The following TMEM114 variants were observed in gnomAD, a reference collection of about 807,000 sequenced individuals.
TMEM114 encodes transmembrane protein 114.
Under a neutral mutation model 6.2 loss-of-function variants are expected in TMEM114, and 6 were observed. The observed-to-expected ratio is 0.97, with a 90% CI of 0.53 to 1.91. TMEM114 has a LOEUF of 1.91. TMEM114 is among the 40% of genes most tolerant of loss of function. TMEM114 has a pLI of 0.01. For synonymous variants in TMEM114, 104 were observed against 73.0 expected, an observed-to-expected ratio of 1.42 and a Z score of -2.16; for missense variants, 218 against 158.3, an observed-to-expected ratio of 1.38 and a Z score of -2.02.
intron 2 of TMEM114, among the ~76,000 whole-genome samples, chr16:8,543,239 T>C (rs750037852): frequency 6.6e-6 from 1 of 152,160 alleles, no homozygotes; most frequent in Non-Finnish European, 1.5e-5. Context: ...GGAGCACTTG[T>C]TCATTTTTAA....
At chr16:8,554,762 G>A (rs778962229) in intron 2 of TMEM114, among the ~76,000 whole-genome samples, 1 of 152,214 alleles carries the variant, frequency 6.6e-6, no homozygotes, top group Non-Finnish European at 1.5e-5. Flanking sequence ...GAGAAGTCCT[G>A]TTCTACGTAC....
At chr16:8,562,904 GTGAGTGAA>G (rs372905963) in intron 2 of TMEM114, among the ~76,000 whole-genome samples, 1 of 39,568 alleles carries the variant, frequency 2.5e-5, no homozygotes, top group African/African-American at 7.5e-5. Flanking sequence ...GAGTGAATGA[GTGAGTGAA>G]TGAGTAAATG....
chr16:8,564,385 G>C (rs554299004), intron 2 of TMEM114, among the ~76,000 whole-genome samples: 1 of 147,892 alleles, frequency 6.8e-6, no homozygotes, highest in Non-Finnish European at 1.5e-5. Flanking sequence ...GAATGAGTGA[G>C]GGAATGAGTG....
downstream of TMEM114, among the ~76,000 whole-genome samples, chr16:8,565,239 T>A (rs879307410): frequency 6.6e-6 from 1 of 152,140 alleles, no homozygotes; most frequent in Non-Finnish European, 1.5e-5. Flanking sequence ...GAATGAAGCA[T>A]GGGACAGGTA....
At chr16:8,542,150 G>GTT (rs1182553653) in intron 2 of TMEM114, among the ~76,000 whole-genome samples, 2 of 151,720 alleles carry the variant, frequency 1.3e-5, no homozygotes, top group Non-Finnish European at 2.9e-5. Flanking sequence ...CGTGGGGGGG[G>GTT]GTCCCTTGAC....
At chr16:8,539,284 G>T (rs901337853) in intron 2 of TMEM114, among the ~76,000 whole-genome samples, 12 of 152,114 alleles carry the variant, frequency 7.9e-5, no homozygotes, top group African/African-American at 2.9e-4. Context: ...GAAGACACAA[G>T]ATTCGGGAGT....
chr16:8,573,789 C>A (rs975231862), intron 2 of TMEM114, among the ~76,000 whole-genome samples: 1 of 152,182 alleles, frequency 6.6e-6, no homozygotes, highest in South Asian at 2.1e-4. Flanking sequence ...TTCCTCTGTG[C>A]CCCCTCAGCA....
At chr16:8,547,832 C>G (rs1262799923) in intron 2 of TMEM114, among the ~76,000 whole-genome samples, 3 of 152,142 alleles carry the variant, frequency 2.0e-5, no homozygotes, top group African/African-American at 7.2e-5. Flanking sequence ...AGACTCTCAT[C>G]AGGATACCAA....
intron 2 of TMEM114, among the ~76,000 whole-genome samples, chr16:8,587,931 C>T (rs1183539552): frequency 1.3e-5 from 2 of 151,990 alleles, no homozygotes; most frequent in South Asian, 2.1e-4. Context: ...AGGAACATCA[C>T]TTGACCCAGG....
At chr16:8,550,795 C>G (rs757474418) in intron 2 of TMEM114, among the ~76,000 whole-genome samples, 4 of 152,074 alleles carry the variant, frequency 2.6e-5, no homozygotes, top group Non-Finnish European at 5.9e-5. Context: ...ACTCCCATAT[C>G]CACACATGCT....
downstream of TMEM114, among the ~76,000 whole-genome samples, chr16:8,568,887 G>A (rs1008605743): frequency 3.3e-5 from 5 of 152,234 alleles, no homozygotes; most frequent in African/African-American, 1.2e-4. Context: ...TCTAAGAGCA[G>A]CAAGATGACA....
At chr16:8,538,940 G>A (rs1900440234) in intron 2 of TMEM114, among the ~76,000 whole-genome samples, 1 of 152,158 alleles carries the variant, frequency 6.6e-6, no homozygotes, top group South Asian at 2.1e-4. Context: ...GTGTGACTTT[G>A]AGAAAACAGT....
chr16:8,536,615 C>A (rs993668675), downstream of TMEM114, among the ~76,000 whole-genome samples: 1 of 152,054 alleles, frequency 6.6e-6, no homozygotes, highest in Non-Finnish European at 1.5e-5. Flanking sequence ...ATTCTTGCAC[C>A]CTTAAGTTCA....
chr16:8,532,740 T>C (rs986406768), downstream of TMEM114, among the ~76,000 whole-genome samples: 1 of 151,952 alleles, frequency 6.6e-6, no homozygotes, highest in Non-Finnish European at 1.5e-5. Flanking sequence ...CTGGCTAACA[T>C]GGTGAAACCC....
chr16:8,562,029 T>A (rs1028138997), intron 2 of TMEM114, among the ~76,000 whole-genome samples: 15 of 149,556 alleles, frequency 1.0e-4, no homozygotes, highest in Admixed American at 6.6e-5. Context: ...TGTGAGTGAA[T>A]GAGTGAGTAA....
chr16:8,527,780 A>C, the TMEM114 span, among the ~76,000 whole-genome samples: 372 of 152,284 alleles, frequency 2.4e-3, 2 homozygotes, highest in African/African-American at 8.5e-3. Flanking sequence ...TTCTAAATCC[A>C]CACCATGACT....
At chr16:8,545,512 A>G (rs1389822454) in intron 2 of TMEM114, among the ~76,000 whole-genome samples, 5 of 152,278 alleles carry the variant, frequency 3.3e-5, no homozygotes, top group African/African-American at 4.8e-5. Context: ...TTACATTTTG[A>G]TGTGTTAATC....
intron 2 of TMEM114, among the ~76,000 whole-genome samples, chr16:8,542,147 G>A (rs1459606662): frequency 1.3e-5 from 2 of 151,780 alleles, no homozygotes; most frequent in African/African-American, 4.8e-5. Context: ...ATTCGTGGGG[G>A]GGGGTCCCTT....
intron 2 of TMEM114, among the ~76,000 whole-genome samples, chr16:8,561,043 T>G (rs1901182901): frequency 6.6e-6 from 1 of 152,206 alleles, no homozygotes; most frequent in African/African-American, 2.4e-5. Flanking sequence ...TCTTAAGACT[T>G]ATTCGCTACC....
Sources: allele counts gnomAD v4.1 joint callset (sites outside exome capture counted in the v4.1 genomes callset), GRCh38; gene constraint gnomAD v4.1.1; transcripts MANE v1.5; gene names NCBI Gene and HGNC (gene_info 2026-07-23, HGNC 2026-07-21).